CCDC3: variants seen among roughly 807,000 people sequenced by gnomAD.
CCDC3 encodes the protein coiled-coil domain containing 3, also known as coiled-coil domain-containing protein 3.
A neutral mutation model predicts 21.4 loss-of-function variants in CCDC3; 24 were observed. That is an observed-to-expected ratio of 1.12 (90% CI 0.81 to 1.58). The LOEUF is 1.58. CCDC3 is among the 40% of genes most tolerant of loss of function. The pLI, the probability that CCDC3 is intolerant of heterozygous loss-of-function variation, is 0.00. For synonymous variants in CCDC3, 186 were observed against 166.0 expected, an observed-to-expected ratio of 1.12 and a Z score of -0.93; for missense variants, 425 against 360.9, an observed-to-expected ratio of 1.18 and a Z score of -1.44.
At chr10:13,099,351 T>TC (rs1832685490) in intron 1 of CCDC3, 1 of 151,350 alleles carries the variant, frequency 6.6e-6, no homozygotes, top group Non-Finnish European at 1.5e-5. Flanking sequence ...TTGTTTTTTT[T>TC]CTCTCCCTCT....
At chr10:12,998,676 G>A (rs74119575) in intron 1 of CCDC3, among the ~76,000 whole-genome samples, 164 bp from the exon 2 acceptor site, 3,723 of 151,722 alleles carry the variant, frequency 0.025, 149 homozygotes, top group African/African-American at 0.085. Context: ...TTTGTCTCAC[G>A]CTACATCAGT....
chr10:13,052,910 C>T (rs1387035435), intron 4 of CCDC3, among the ~76,000 whole-genome samples: 3 of 151,076 alleles, frequency 2.0e-5, no homozygotes, highest in South Asian at 2.1e-4. Flanking sequence ...CCACTGCACT[C>T]CAGCCTGGGC....
chr10:12,948,212 T>C (rs544983724), intron 2 of CCDC3, among the ~76,000 whole-genome samples: 10 of 152,314 alleles, frequency 6.6e-5, no homozygotes, highest in African/African-American at 1.2e-4. Context: ...CCACATAAGA[T>C]GTGCCTTTGC....
At chr10:12,966,306 G>A (rs1377100571) in intron 2 of CCDC3, among the ~76,000 whole-genome samples, 1 of 118,248 alleles carries the variant, frequency 8.5e-6, no homozygotes, top group Non-Finnish European at 1.9e-5. Context: ...AGAAACTGAG[G>A]GGCTGTGGGC....
chr10:12,912,597 G>A (rs1032853999), intron 2 of CCDC3, among the ~76,000 whole-genome samples: 2 of 151,990 alleles, frequency 1.3e-5, no homozygotes. Context: ...TTCTCTGCTG[G>A]ACAGGAGCTT....
At chr10:12,937,318 A>G (rs1425232138) in intron 2 of CCDC3, among the ~76,000 whole-genome samples, 1 of 151,956 alleles carries the variant, frequency 6.6e-6, no homozygotes, top group Non-Finnish European at 1.5e-5. Context: ...GTCTCTACCT[A>G]TTTATTTTCA....
chr10:12,963,669 C>G (rs1835214162), intron 2 of CCDC3, among the ~76,000 whole-genome samples: 1 of 150,394 alleles, frequency 6.6e-6, no homozygotes, highest in Non-Finnish European at 1.5e-5. Flanking sequence ...CAACCTCCTT[C>G]TCCCGGATTC....
At chr10:12,898,782 A>G in intron 2 of CCDC3, 103 bp from the exon 3 acceptor site, 2 of 1,359,886 alleles carry the variant, frequency 1.5e-6, no homozygotes, top group Non-Finnish European at 2.0e-6. Context: ...AGCAACACAG[A>G]CCCCGATTCC....
At position 12,960,792 on chromosome 10, in the gene CCDC3, C is replaced by T. The variant is rs11258089; in HGVS notation, c.549+37546G>A. ...TGCCTGAGCTCCGCCTGCCAGGTCA[C>T]GTGCTGGGACTTCTGCCCTGACACC... On this transcript the variant is annotated intron_variant, in intron 2 of 2. Transcript: ENST00000378825. Among the ~76,000 whole-genome samples, 5 of 152,188 alleles carry T rather than the reference C, an allele frequency of 3.3e-5. No homozygotes were observed. The South Asian group carries it at 1.0e-3, about 32-fold the overall frequency.
intron 2 of CCDC3, among the ~76,000 whole-genome samples, chr10:12,985,938 C>G (rs897309898): frequency 2.0e-5 from 3 of 152,162 alleles, no homozygotes; most frequent in Admixed American, 2.0e-4. Context: ...TGCAGTGGCG[C>G]GATCTCGGCT....
chr10:12,983,729 T>G (rs1835542823), intron 2 of CCDC3, among the ~76,000 whole-genome samples: 2 of 150,344 alleles, frequency 1.3e-5, no homozygotes, highest in Non-Finnish European at 2.9e-5. Flanking sequence ...GGACAGATGG[T>G]AAATGTACAG....
At chr10:13,016,817 T>C (rs535363044) in intron 5 of CCDC3, among the ~76,000 whole-genome samples, 2 of 152,224 alleles carry the variant, frequency 1.3e-5, no homozygotes, top group East Asian at 1.9e-4. Context: ...TGCACATTAA[T>C]ACAGGGTACA....
chr10:12,964,094 C>T (rs921791743), intron 2 of CCDC3, among the ~76,000 whole-genome samples: 1 of 152,106 alleles, frequency 6.6e-6, no homozygotes, highest in Non-Finnish European at 1.5e-5. Flanking sequence ...ATTTTCCAGC[C>T]GGGAGCGGTG....
chr10:13,034,438 A>T (rs1463892300), intron 5 of CCDC3, among the ~76,000 whole-genome samples: 4 of 151,848 alleles, frequency 2.6e-5, no homozygotes, highest in Admixed American at 2.6e-4. Context: ...ACCTGTATAC[A>T]TATGTAACAA....
chr10:12,939,897 T>A (rs898919299), intron 2 of CCDC3, among the ~76,000 whole-genome samples: 2 of 152,214 alleles, frequency 1.3e-5, no homozygotes, highest in Non-Finnish European at 2.9e-5. Context: ...CTAATTCACT[T>A]GGCTAATTCT....
intron 2 of CCDC3, among the ~76,000 whole-genome samples, chr10:12,981,177 ATTTTTT>A (rs59193619): frequency 2.1e-4 from 22 of 105,568 alleles, no homozygotes; most frequent in South Asian, 1.6e-3. Context: ...CTGGCCCAGG[ATTTTTT>A]TTTTTTTTTT....
rs147616382 is a variant in CCDC3 at position 12,909,453 on chromosome 10, G to A, written c.550-10774C>T. Among the ~76,000 whole-genome samples the A allele has an allele frequency of 4.2e-3, 641 of 152,334 alleles. 1 individual carries two copies. The highest frequency in any genetic ancestry group is 7.1e-3 in the Non-Finnish European group (480 of 68,030). ...TGCTTACTCCTGCCCTGCCCATGGA[G>A]TGTGGGTGTGCCAACCCGGGCTGAG... On this transcript the variant is annotated intron_variant, in intron 2 of 2. Transcript: ENST00000378825.
At chr10:12,958,771 T>A (rs1835132990) in intron 2 of CCDC3, among the ~76,000 whole-genome samples, 1 of 152,110 alleles carries the variant, frequency 6.6e-6, no homozygotes, top group Non-Finnish European at 1.5e-5. Context: ...CTCATCCTCA[T>A]CCTCGGCAGG....
chr10:12,985,343 A>G (rs2131275122), intron 2 of CCDC3, among the ~76,000 whole-genome samples: 1 of 152,348 alleles, frequency 6.6e-6, no homozygotes, highest in Non-Finnish European at 1.5e-5. Context: ...TAAATGGTAC[A>G]GGACCTTTGG....
Sources: gnomAD v4.1 joint callset for allele counts (sites outside exome capture counted in the v4.1 genomes callset) on GRCh38, gnomAD v4.1.1 for gene constraint, MANE v1.5 for transcripts, NCBI Gene and HGNC (gene_info 2026-07-23, HGNC 2026-07-21) for gene names.